Variants in MGLL observed in about 807,000 individuals in gnomAD.
MGLL encodes the protein monoglyceride lipase.
In MGLL, 7 loss-of-function variants were observed where a neutral mutation model predicts 29.1. The observed-to-expected ratio is 0.24, with a 90% CI of 0.14 to 0.45. The LOEUF is 0.45. Ranked by LOEUF, MGLL falls within the 20% of genes least tolerant of loss-of-function variation. The pLI is 0.99. For missense variants in MGLL, 356 were observed against 413.6 expected, an observed-to-expected ratio of 0.86 and a Z score of 1.21; for synonymous variants, 148 against 168.3, an observed-to-expected ratio of 0.88 and a Z score of 0.93.
intron 3 of MGLL, among the ~76,000 whole-genome samples, chr3:127,777,234 G>A (rs1213874045): frequency 5.3e-5 from 8 of 152,184 alleles, no homozygotes; most frequent in Non-Finnish European, 1.0e-4. Context: ...TGGGTGAGAT[G>A]AAAGGAAATC....
rs926356075 is a variant in MGLL at position 127,693,078 on chromosome 3, A to C, written c.817-755T>G. On this transcript the variant is annotated intron_variant, in intron 7 of 7. Transcript: ENST00000265052. ...ACTGCCGACCTGCCATCTCCATCCG[A>C]ATTTCTGGCAGGGACCTCCAGACTT... Among the ~76,000 whole-genome samples the C allele has an allele frequency of 2.0e-5, 3 of 152,014 alleles. No homozygotes were observed. The South Asian group carries it at 6.2e-4, about 32-fold the overall frequency.
At chr3:127,739,998 G>A (rs1363957410) in intron 3 of MGLL, among the ~76,000 whole-genome samples, 2 of 152,194 alleles carry the variant, frequency 1.3e-5, no homozygotes, top group African/African-American at 4.8e-5. Context: ...GTGGGAGCCC[G>A]CTCAGAGGCC....
chr3:127,782,786 G>A (rs916434816), intron 2 of MGLL, among the ~76,000 whole-genome samples: 6 of 152,126 alleles, frequency 3.9e-5, no homozygotes, highest in African/African-American at 1.2e-4. Flanking sequence ...CCACCTTCCT[G>A]AGCATTTACT....
chr3:127,709,219 C>T (rs1576484606), intron 6 of MGLL, among the ~76,000 whole-genome samples: 1 of 152,166 alleles, frequency 6.6e-6, no homozygotes, highest in Admixed American at 6.5e-5. Flanking sequence ...GACCAGGGGC[C>T]ACACACTGGT....
chr3:127,815,549 C>T (rs557516466), intron 2 of MGLL, among the ~76,000 whole-genome samples: 31 of 152,352 alleles, frequency 2.0e-4, no homozygotes, highest in Middle Eastern at 6.8e-3. Context: ...ATGAACCTCT[C>T]CATCTAGCTG....
intron 2 of MGLL, among the ~76,000 whole-genome samples, chr3:127,820,303 C>T (rs1045675387): frequency 1.3e-5 from 2 of 152,114 alleles, no homozygotes; most frequent in African/African-American, 4.8e-5. Context: ...AACTTCAGCA[C>T]AGAGATTGTG....
chr3:127,795,582 T>G (rs903767522), intron 2 of MGLL, among the ~76,000 whole-genome samples: 21 of 152,090 alleles, frequency 1.4e-4, no homozygotes, highest in Admixed American at 7.9e-4. Flanking sequence ...TATGAGGAGA[T>G]GATGATGAGG....
At chr3:127,722,927 A>T (rs573665375) in intron 3 of MGLL, among the ~76,000 whole-genome samples, 1 of 152,366 alleles carries the variant, frequency 6.6e-6, no homozygotes, top group Non-Finnish European at 1.5e-5. Flanking sequence ...AGTAAGACGA[A>T]GAAGGCTCAG....
intron 6 of MGLL, among the ~76,000 whole-genome samples, chr3:127,698,568 C>T (rs1247188344): frequency 6.6e-6 from 1 of 152,146 alleles, no homozygotes; most frequent in Non-Finnish European, 1.5e-5. Flanking sequence ...AGACTCACGG[C>T]TCTCAGGGCT....
chr3:127,775,596 C>A (rs918804036), intron 3 of MGLL, among the ~76,000 whole-genome samples: 8 of 151,696 alleles, frequency 5.3e-5, no homozygotes, highest in Admixed American at 1.3e-4. Flanking sequence ...TAAAAAAAAA[C>A]ACACACACAA....
chr3:127,744,209 C>A (rs753692933), intron 3 of MGLL, among the ~76,000 whole-genome samples: 1 of 152,092 alleles, frequency 6.6e-6, no homozygotes, highest in African/African-American at 2.4e-5. Flanking sequence ...GTAATGCATT[C>A]TCAGGATTTC....
intron 3 of MGLL, among the ~76,000 whole-genome samples, chr3:127,763,717 T>G (rs2076806204): frequency 6.6e-6 from 1 of 152,192 alleles, no homozygotes; most frequent in Non-Finnish European, 1.5e-5. Context: ...TCGCTGAGCT[T>G]CCTTCCTTCC....
Position 127,692,105 on chromosome 3 carries a change from T to TTA in MGLL, c.*92_*93insTA. 1 of 913,740 alleles carries TTA rather than the reference T, an allele frequency of 1.1e-6. No homozygotes were observed. The highest frequency in any genetic ancestry group is 1.5e-6 in the Non-Finnish European group (1 of 660,936). 56.6% of individuals were successfully genotyped at this position (913,740 alleles called of 1,614,324 possible). ...TTCTCCAATTTCTGATTTTTTTTTT[T>TTA]TTTTTTTTTTGGCAAGCCATATCTG... On this transcript the variant is annotated 3_prime_UTR_variant, in exon 8 of 8. Coordinates refer to ENST00000265052, the MANE Select transcript of MGLL (RefSeq NM_007283.7).
intron 2 of MGLL, among the ~76,000 whole-genome samples, 168 bp from the exon 3 acceptor site, chr3:127,782,063 T>C (rs1360615683): frequency 2.0e-5 from 3 of 151,672 alleles, no homozygotes; most frequent in African/African-American, 7.3e-5. Context: ...TCTACTGAAA[T>C]ACAAAAAAAT....
chr3:127,716,793 C>T (rs775120500), intron 5 of MGLL, among the ~76,000 whole-genome samples: 11 of 152,304 alleles, frequency 7.2e-5, no homozygotes, highest in African/African-American at 1.7e-4. Flanking sequence ...CCCCACCTTC[C>T]GTGGGACAGC....
intron 3 of MGLL, 81 bp from the exon 4 acceptor site, chr3:127,722,647 T>C (rs2075952343): frequency 1.9e-6 from 3 of 1,582,566 alleles, no homozygotes; most frequent in Non-Finnish European, 2.6e-6. Flanking sequence ...CTCACTGCAA[T>C]CGCTCTCTCT....
intron 2 of MGLL, among the ~76,000 whole-genome samples, chr3:127,793,098 A>G (rs2077328378): frequency 6.6e-6 from 1 of 152,152 alleles, no homozygotes; most frequent in Admixed American, 6.5e-5. Context: ...GCCAGATGGA[A>G]CCCTTCCCAG....
At chr3:127,795,822 G>A (rs1430440438) in intron 2 of MGLL, among the ~76,000 whole-genome samples, 2 of 152,100 alleles carry the variant, frequency 1.3e-5, no homozygotes, top group Admixed American at 6.5e-5. Context: ...CACAAAAATA[G>A]AAAAATATAG....
Position 127,781,648 on chromosome 3 carries a change from G to T in MGLL, c.262+141C>A. 4.8e-5 allele frequency: 39 copies of T among 816,710 alleles called. No individual in the cohort carries two copies. The Admixed American group carries it at 4.9e-4, about 10-fold the overall frequency. 50.6% of individuals were successfully genotyped at this position (816,710 alleles called of 1,614,324 possible). A position where few individuals can be genotyped will look rare whatever the true frequency, so the allele number is the denominator to read the frequency against. ...CGTCAGACATTTTTTTTGTTTGTTT[G>T]CATAACTACATTTTTTTACTTTGAA... On this transcript the variant is annotated intron_variant, in intron 3 of 7. Transcript: ENST00000265052.
Sources: allele counts gnomAD v4.1 joint callset (sites outside exome capture counted in the v4.1 genomes callset), GRCh38; gene constraint gnomAD v4.1.1; transcripts MANE v1.5; gene names NCBI Gene and HGNC (gene_info 2026-07-23, HGNC 2026-07-21).